The following HSD11B1L variants were observed in gnomAD, a reference collection of about 807,000 sequenced individuals.
The protein encoded by HSD11B1L is hydroxysteroid 11-beta dehydrogenase 1 like, also known as hydroxysteroid 11-beta-dehydrogenase 1-like protein.
Under a neutral mutation model 27.0 loss-of-function variants are expected in HSD11B1L, and 22 were observed. The ratio of observed to expected loss-of-function variants is 0.81; its 90% CI spans 0.58 to 1.16. The LOEUF is 1.16. Among genes scored for constraint, HSD11B1L ranks in the 50% most tolerant of loss-of-function variants. The pLI is 0.00. For missense variants in HSD11B1L, 372 were observed against 401.8 expected, an observed-to-expected ratio of 0.93 and a Z score of 0.63; for synonymous variants, 187 against 189.2, an observed-to-expected ratio of 0.99 and a Z score of 0.09.
At position 5,685,170 on chromosome 19, in the gene HSD11B1L, G is replaced by A. The variant is rs1299791094; in HGVS notation, c.204+51G>A. On this transcript the variant is annotated intron_variant, in intron 3 of 7. Transcript: ENST00000339423. This position sits in a 1 kb window ranked among gnomAD's most constrained non-coding sequence, Gnocchi z 4.3. ...TGGTGGGGGTGCTCATGGGGGGTGGGAAGAGAGCCTGGGTTTAATCCCTGC... is the reference window on the plus strand; with the variant it reads ...TGGTGGGGGTGCTCATGGGGGGTGGAAAGAGAGCCTGGGTTTAATCCCTGC... The A allele has an allele frequency of 6.5e-7, 1 of 1,535,154 alleles. No homozygotes were observed. Among genetic ancestry groups the A allele is most frequent in the Admixed American group, 2.0e-5 (1 of 50,992 alleles).
At position 5,686,405 on chromosome 19, in the gene HSD11B1L, G is replaced by C. The variant is rs769548849; in HGVS notation, c.205-11G>C. On this transcript the variant is annotated splice_polypyrimidine_tract_variant and intron_variant, in intron 3 of 7. Coordinates refer to ENST00000339423, the MANE Select transcript of HSD11B1L (RefSeq NM_198706.3). ...GAGGAGAGGCCCACGGGCAGCTCTG[G>C]CCCCCCCCAGGTGGTAGGGAACTGC... The C allele has an allele frequency of 2.6e-5, 39 of 1,528,164 alleles. No homozygotes were observed. Among genetic ancestry groups the C allele is most frequent in the Admixed American group, 1.0e-4 (5 of 49,760 alleles). 94.7% of individuals were successfully genotyped at this position (1,528,164 alleles called of 1,614,324 possible).
chr19:5,687,612 C>T lies in HSD11B1L; in HGVS notation c.612C>T (p.Ala204=), dbSNP rs1436566087. The T allele has an allele frequency of 1.3e-6, 2 of 1,598,228 alleles. No individual in the cohort carries two copies. Among genetic ancestry groups the T allele is most frequent in the Admixed American group, 1.7e-5 (1 of 59,606 alleles). ...RELDVQDVNV[A]ITMCVLGLRD... is the part of the protein sequence containing the mutation. ...TGGACGTGCAGGACGTGAACGTGGC[C>T]ATCACCATGTGCGTCCTGGGCCTCC... Residue 204 remains alanine, a synonymous_variant, in exon 7 of 8, where the codon GCC becomes GCT. Coordinates refer to ENST00000339423, the MANE Select transcript of HSD11B1L (RefSeq NM_198706.3). This position sits in a 1 kb window ranked among gnomAD's most constrained non-coding sequence, Gnocchi z 6.6.
At chr19:5,682,059 G>A (rs1191547112) in intron 1 of HSD11B1L, among the ~76,000 whole-genome samples, 1 of 152,234 alleles carries the variant, frequency 6.6e-6, no homozygotes, top group Non-Finnish European at 1.5e-5. Flanking sequence ...AAGGTGAGGA[G>A]TTCATTATTT....
In HSD11B1L at chr19:5,685,213, G is replaced by T. The variant is rs1040033302; in HGVS notation, c.204+94G>T. 4.1e-6 allele frequency: 6 copies of T among 1,476,982 alleles called. No individual in the cohort carries two copies. The highest frequency in any genetic ancestry group is 5.5e-6 in the Non-Finnish European group (6 of 1,093,376). The allele number at this position is 1,476,982 out of a possible 1,614,324, so 91.5% of individuals were successfully genotyped here. A position where few individuals can be genotyped will look rare whatever the true frequency, so the allele number is the denominator to read the frequency against. ...ATCCCTGCAATGATCCAGGCTTCCC[G>T]TGTGACCTTGGGCAAGTCGCCTAAC... On this transcript the variant is annotated intron_variant, in intron 3 of 7. Coordinates refer to ENST00000339423, the MANE Select transcript of HSD11B1L (RefSeq NM_198706.3). This position sits in a 1 kb window ranked among gnomAD's most constrained non-coding sequence, Gnocchi z 4.3.
Position 5,688,208 on chromosome 19 carries a change from T to G in HSD11B1L, c.*263T>G. 6.5e-7 allele frequency: 1 copy of G among 1,541,886 alleles called. No homozygotes were observed. Among genetic ancestry groups the G allele is most frequent in the South Asian group, 1.2e-5 (1 of 83,622 alleles). On this transcript the variant is annotated 3_prime_UTR_variant, in exon 8 of 8. Coordinates refer to ENST00000339423, the MANE Select transcript of HSD11B1L (RefSeq NM_198706.3). ...TGGCCATGATTGATGACGTGACTGC[T>G]TCCATTTTGCAGATGAGGAAACTAA...
chr19:5,683,779 A>G (rs2145543906), intron 1 of HSD11B1L, among the ~76,000 whole-genome samples: 2 of 152,196 alleles, frequency 1.3e-5, no homozygotes, highest in South Asian at 4.1e-4. Flanking sequence ...CTGTAGTCCC[A>G]GCTGCTCCAT....
In HSD11B1L at chr19:5,687,825, C is replaced by T; in HGVS notation, c.741C>T (p.Arg247=). Residue 247 remains arginine (R), a synonymous_variant, in exon 8 of 8, where the codon CGC becomes CGT. Coordinates refer to ENST00000339423, the MANE Select transcript of HSD11B1L (RefSeq NM_198706.3). The surrounding 1 kb of genome is among the most constrained non-coding windows in gnomAD (Gnocchi z 6.6). ...CCGTGATCCGCGGCGGCGCCACGCG[C>T]GCGGCCGGCGTCTTCTACCCGTGGC... ...ALAVIRGGAT[R]AAGVFYPWRF... is the part of the protein sequence containing the mutation. The T allele has an allele frequency of 1.3e-6, 2 of 1,546,116 alleles. No homozygotes were observed. Among genetic ancestry groups the T allele is most frequent in the Non-Finnish European group, 1.7e-6 (2 of 1,148,336 alleles).
rs183044011 is a variant in HSD11B1L, at chr19:5,688,123, G to A, written c.*178G>A. 5.5e-4 allele frequency: 860 copies of A among 1,551,326 alleles called. 2 individuals carry two copies. The African/African-American group carries it at 0.011, about 20-fold the overall frequency. ...GGCACCTGGAACCAGTCACGGCTTG[G>A]GAGGTGCAGGTGCCCCGTGTTAGGC... On this transcript the variant is annotated 3_prime_UTR_variant, in exon 8 of 8. Coordinates refer to ENST00000339423, the MANE Select transcript of HSD11B1L (RefSeq NM_198706.3).
intron 3 of HSD11B1L, 136 bp from the exon 4 acceptor site, chr19:5,686,280 A>C: frequency 1.7e-6 from 1 of 600,172 alleles, no homozygotes; most frequent in Non-Finnish European, 2.8e-6. Context: ...ATTTTTGGGA[A>C]TGATGTTGAA....
chr19:5,681,511 GTTCATCCATCTGTCCGCCCATCCA>G (rs763845862), intron 1 of HSD11B1L, among the ~76,000 whole-genome samples: 6 of 147,384 alleles, frequency 4.1e-5, no homozygotes, highest in Non-Finnish European at 7.5e-5. Flanking sequence ...CCACACTTCC[GTTCATCCATCTGTCCGCCCATCCA>G]TTCATCCATC....
intron 1 of HSD11B1L, among the ~76,000 whole-genome samples, chr19:5,681,888 C>T (rs1448011620): frequency 1.3e-5 from 2 of 152,244 alleles, no homozygotes; most frequent in Admixed American, 1.3e-4. Context: ...TCCGTCCACC[C>T]GTCAGTCCAT....
At chr19:5,682,386 G>A (rs2054578618) in intron 1 of HSD11B1L, among the ~76,000 whole-genome samples, 1 of 152,146 alleles carries the variant, frequency 6.6e-6, no homozygotes, top group Admixed American at 6.5e-5. Flanking sequence ...GCCCGGGGTA[G>A]GGTCTAGGAG....
At chr19:5,681,678 C>G (rs2054554164) in intron 1 of HSD11B1L, among the ~76,000 whole-genome samples, 2 of 152,076 alleles carry the variant, frequency 1.3e-5, no homozygotes, top group African/African-American at 4.8e-5. Context: ...ATCCATCCAT[C>G]CATCCATCCA....
chr19:5,682,025 T>A (rs1568296871), intron 1 of HSD11B1L, among the ~76,000 whole-genome samples: 3 of 152,238 alleles, frequency 2.0e-5, no homozygotes, highest in African/African-American at 7.2e-5. Context: ...TTTCTTGCTG[T>A]GGGCATGCCT....
chr19:5,686,692 A>G (rs2054701557), intron 4 of HSD11B1L, among the ~76,000 whole-genome samples, 165 bp downstream of exon 4: 1 of 152,098 alleles, frequency 6.6e-6, no homozygotes, highest in Admixed American at 6.5e-5. Context: ...GTCTGGGGGA[A>G]GAGCTCTGAA....
rs1417016583 is a variant in HSD11B1L, at chr19:5,687,863, T to C, written c.779T>C (p.Leu260Pro). ...GVFYPWRFRL[L>P]CLLRRWLPRP... is the part of the protein sequence containing the mutation. Reference sequence around the variant, plus strand: ...TTCTACCCGTGGCGTTTCCGCCTGCTGTGCTTGCTCCGGCGCTGGCTACCG... The same window carrying C: ...TTCTACCCGTGGCGTTTCCGCCTGCCGTGCTTGCTCCGGCGCTGGCTACCG... Residue 260 changes from leucine to proline, a missense_variant, in exon 8 of 8, where the codon CTG becomes CCG. Physicochemically the swap from Leu to Pro is moderately conservative, Grantham distance 98 (BLOSUM62 -3). Transcript: ENST00000339423. This position sits in a 1 kb window ranked among gnomAD's most constrained non-coding sequence, Gnocchi z 6.6. 1.9e-6 allele frequency: 3 copies of C among 1,580,154 alleles called. No homozygotes were observed. The highest frequency in any genetic ancestry group is 2.6e-6 in the Non-Finnish European group (3 of 1,164,320).
At position 5,685,747 on chromosome 19, in the gene HSD11B1L, A is replaced by G. The variant is rs571754884; in HGVS notation, c.204+628A>G. Among the ~76,000 whole-genome samples the G allele has an allele frequency of 3.1e-4, 29 of 93,266 alleles. No individual in the cohort carries two copies. The East Asian group carries it at 4.4e-3, about 14-fold the overall frequency. The allele number at this position is 93,266 out of a possible 152,430, so 61.2% of individuals were successfully genotyped here. A position where few individuals can be genotyped will look rare whatever the true frequency, so the allele number is the denominator to read the frequency against. On this transcript the variant is annotated intron_variant, in intron 3 of 7. Coordinates refer to ENST00000339423, the MANE Select transcript of HSD11B1L (RefSeq NM_198706.3). This position sits in a 1 kb window ranked among gnomAD's most constrained non-coding sequence, Gnocchi z 4.3. The stretch of plus-strand genomic sequence containing the variant: ...AGCGATACTCCATCTCAAAAAAAAG[A>G]AAAAAAAAAATTAGGGCATGGTGGC...
Position 5,684,722 on chromosome 19 carries a change from G to A in HSD11B1L, c.-14-97G>A, listed in dbSNP as rs184333649. 6.0e-4 allele frequency: 951 copies of A among 1,578,718 alleles called. 4 individuals carry two copies. The African/African-American group carries it at 9.8e-3, about 16-fold the overall frequency. ...TGGCTGTGGAGGTGGATAGGAAGGC[G>A]TGGATCCAAGGCGGTGGCATCACCA... On this transcript the variant is annotated intron_variant, in intron 1 of 7. Transcript: ENST00000339423.
In HSD11B1L at chr19:5,688,177, C is replaced by G. The variant is rs3760768; in HGVS notation, c.*232C>G. ...TTTGTCGGGGACTTGCAAGGCCTCACCTGTTTGGCCATGATTGATGACGTG... is the reference window on the plus strand; with the variant it reads ...TTTGTCGGGGACTTGCAAGGCCTCAGCTGTTTGGCCATGATTGATGACGTG... On this transcript the variant is annotated 3_prime_UTR_variant, in exon 8 of 8. Transcript: ENST00000339423. 4.5e-6 allele frequency: 7 copies of G among 1,549,844 alleles called. No homozygotes were observed. The highest frequency in any genetic ancestry group is 6.1e-6 in the Non-Finnish European group (7 of 1,146,742).
Sources: gnomAD v4.1 joint callset for allele counts (sites outside exome capture counted in the v4.1 genomes callset) on GRCh38, gnomAD v4.1.1 for gene constraint, Gnocchi (gnomAD v3.1) non-coding constraint, MANE v1.5 for transcripts, NCBI Gene and HGNC (gene_info 2026-07-23, HGNC 2026-07-21) for gene names.